HUWE1: variants seen among roughly 807,000 people sequenced by gnomAD.
The protein encoded by HUWE1 is E3 ubiquitin-protein ligase HUWE1.
A neutral mutation model predicts 299.4 loss-of-function variants in HUWE1; 18 were observed. The ratio of observed to expected loss-of-function variants is 0.06; its 90% CI spans 0.04 to 0.09. The LOEUF (loss-of-function observed/expected upper bound fraction) is 0.09. HUWE1 is among the 10% of genes least tolerant of loss of function. The pLI is 1.00. For missense variants in HUWE1, 1,832 were observed against 3,462.3 expected (o/e 0.53, Z 11.82); for synonymous variants, 1,317 against 1,286.1 (o/e 1.02, Z -0.51).
chrX:53,655,529 CA>C (rs1330813861), intron 3 of HUWE1, among the ~76,000 whole-genome samples: 2 of 112,051 alleles, frequency 1.8e-5, no homozygotes, highest in Non-Finnish European at 3.8e-5. Context: ...ATCTCAGTAT[CA>C]ATACAAAATG....
At position 53,667,078 on chromosome X, in the gene HUWE1, A is replaced by G. The variant is rs1557047859; in HGVS notation, c.-24-12947T>C. Among the ~76,000 whole-genome samples the G allele has an allele frequency of 4.4e-5, 5 of 112,519 alleles. No individual in the cohort carries two copies. In the South Asian group the frequency reaches 1.5e-3, roughly 33 times the overall value. On this transcript the variant is annotated intron_variant, in intron 3 of 83. Coordinates refer to ENST00000262854, the MANE Select transcript of HUWE1 (RefSeq NM_031407.7). Reference sequence around the variant, plus strand: ...AATGTAGAAAATAAGGAAAAAAATCAGAAATAAAATAGATTAGAAGCAATC... The same window carrying G: ...AATGTAGAAAATAAGGAAAAAAATCGGAAATAAAATAGATTAGAAGCAATC...
chrX:53,653,556 C>T (rs1439294575), intron 4 of HUWE1, among the ~76,000 whole-genome samples: 2 of 111,488 alleles, frequency 1.8e-5, no homozygotes, highest in East Asian at 5.6e-4. Context: ...TTTCTACTGT[C>T]GACAAAGGGT....
chrX:53,632,322 G>C (rs1406205469), intron 9 of HUWE1, among the ~76,000 whole-genome samples, 165 bp downstream of exon 9: 3 of 111,695 alleles, frequency 2.7e-5, no homozygotes, highest in Non-Finnish European at 5.7e-5. Flanking sequence ...TCAGAGTTGG[G>C]GATGCAATTA....
chrX:53,668,802 C>A (rs1225429544), intron 3 of HUWE1, among the ~76,000 whole-genome samples: 1 of 112,139 alleles, frequency 8.9e-6, no homozygotes, highest in Non-Finnish European at 1.9e-5. Flanking sequence ...AAGAGCTGGC[C>A]TTCTCAATCT....
Position 53,565,052 on chromosome X carries a change from G to A in HUWE1, c.6880+15C>T. 1 of 1,205,303 alleles carries A rather than the reference G, an allele frequency of 8.3e-7. No individual in the cohort carries two copies. The highest frequency in any genetic ancestry group is 1.1e-6 in the Non-Finnish European group (1 of 889,622). On this transcript the variant is annotated intron_variant, in intron 50 of 83. Coordinates refer to ENST00000262854, the MANE Select transcript of HUWE1 (RefSeq NM_031407.7). Reference sequence around the variant, plus strand: ...CTACTCCCACCTCTCCAGTCCATTGGCTCTGATTCCCTACCTGGGTCCTGC... The same window carrying A: ...CTACTCCCACCTCTCCAGTCCATTGACTCTGATTCCCTACCTGGGTCCTGC...
Position 53,546,755 on chromosome X carries a change from A to T in HUWE1, c.10707T>A (p.Phe3569Leu). Residue 3569 changes from phenylalanine (F) to leucine (L), a missense_variant, in exon 69 of 84, where the codon TTT becomes TTA. Around this residue, in one of 15 missense-constraint regions of HUWE1, gnomAD observed 48 missense variants for 87.0 expected, o/e 0.55. Coordinates refer to ENST00000262854, the MANE Select transcript of HUWE1 (RefSeq NM_031407.7). ...VSDGGSSSTD[F>L]KMVSSGLTEN... is the part of the protein sequence containing the mutation. ...CAGTGAGGCCAGAGGACACCATCTT[A>T]AAGTCTGTACTGCTGCTGCCCCCAT... is the stretch of plus-strand genomic sequence containing the variant. 1 of 1,210,960 alleles carries T rather than the reference A, an allele frequency of 8.3e-7. No individual in the cohort carries two copies. Among genetic ancestry groups the T allele is most frequent in the Non-Finnish European group, 1.1e-6 (1 of 894,821 alleles).
chrX:53,671,824 A>C (rs958645227), intron 3 of HUWE1, among the ~76,000 whole-genome samples: 1 of 108,288 alleles, frequency 9.2e-6, no homozygotes, highest in African/African-American at 3.4e-5. Flanking sequence ...AAGCTACAGA[A>C]GTATACATAA....
At chrX:53,533,963 C>A in intron 83 of HUWE1, 44 bp downstream of exon 83, 1 of 1,150,459 alleles carries the variant, frequency 8.7e-7, no homozygotes, top group Non-Finnish European at 1.2e-6. Context: ...AGTATGCAAG[C>A]TCAACCTAAG....
At chrX:53,672,959 T>C (rs1157707277) in intron 3 of HUWE1, among the ~76,000 whole-genome samples, 1 of 111,965 alleles carries the variant, frequency 8.9e-6, no homozygotes, top group Non-Finnish European at 1.9e-5. Flanking sequence ...CAATAAGCCA[T>C]GTATAATTCT....
At chrX:53,610,513 T>C (rs2065392761) in intron 23 of HUWE1, among the ~76,000 whole-genome samples, 1 of 112,129 alleles carries the variant, frequency 8.9e-6, no homozygotes, top group African/African-American at 3.2e-5. Context: ...CCTGTCTCTC[T>C]CCCTTTCCCC....
At chrX:53,631,657 C>T in intron 9 of HUWE1, 43 bp from the exon 10 acceptor site, 1 of 987,842 alleles carries the variant, frequency 1.0e-6, no homozygotes, top group Non-Finnish European at 1.4e-6. Context: ...AGTCACTGAA[C>T]ACTCTAGCTT....
intron 29 of HUWE1, among the ~76,000 whole-genome samples, chrX:53,599,329 G>A (rs2064688844): frequency 8.9e-6 from 1 of 112,237 alleles, no homozygotes; most frequent in Non-Finnish European, 1.9e-5. Flanking sequence ...AATGCAATGG[G>A]AATTTGAGGT....
At chrX:53,565,363 TAACA>T in intron 49 of HUWE1, 124 bp from the exon 50 acceptor site, 1 of 637,707 alleles carries the variant, frequency 1.6e-6, no homozygotes, top group Non-Finnish European at 2.4e-6. Flanking sequence ...GTCGTACAAC[TAACA>T]CTCTACTTTT....
At chrX:53,545,195 G>A in intron 70 of HUWE1, 34 bp from the exon 71 acceptor site, 7 of 1,199,184 alleles carry the variant, frequency 5.8e-6, no homozygotes, top group Non-Finnish European at 7.9e-6. Context: ...AGTGTTCAGA[G>A]ACTCCCCTGG....
chrX:53,573,282 G>C (rs1347611731), intron 47 of HUWE1, among the ~76,000 whole-genome samples: 1 of 111,161 alleles, frequency 9.0e-6, no homozygotes, highest in African/African-American at 3.3e-5. Flanking sequence ...TTATCACCCA[G>C]GCAGGTGTAC....
intron 3 of HUWE1, among the ~76,000 whole-genome samples, chrX:53,671,692 C>G (rs1557049378): frequency 1.9e-5 from 2 of 104,988 alleles, no homozygotes; most frequent in African/African-American, 7.0e-5. Flanking sequence ...ACTCAAAAGG[C>G]TGAGGCAGGA....
intron 24 of HUWE1, among the ~76,000 whole-genome samples, chrX:53,608,125 C>T: frequency 8.9e-6 from 1 of 111,992 alleles, no homozygotes; most frequent in Non-Finnish European, 1.9e-5. Flanking sequence ...ACACTGAACT[C>T]TGGAAGAGTT....
intron 49 of HUWE1, among the ~76,000 whole-genome samples, chrX:53,568,215 C>T (rs1160187160): frequency 1.8e-5 from 2 of 111,641 alleles, no homozygotes; most frequent in African/African-American, 6.5e-5. Context: ...AACTTATTTT[C>T]ATAGCAAGGA....
chrX:53,585,515 C>G, intron 39 of HUWE1, among the ~76,000 whole-genome samples: 1 of 111,096 alleles, frequency 9.0e-6, no homozygotes, highest in East Asian at 2.8e-4. Flanking sequence ...TGTCATTATC[C>G]ACGGACTGGG....
Sources: allele counts gnomAD v4.1 joint callset (sites outside exome capture counted in the v4.1 genomes callset), GRCh38; gene constraint gnomAD v4.1.1; regional missense constraint gnomAD v4.1.1; transcripts MANE v1.5; gene names NCBI Gene and HGNC (gene_info 2026-07-23, HGNC 2026-07-21).